The following RNF19A variants were observed in gnomAD, a reference collection of about 807,000 sequenced individuals.
RNF19A encodes ring finger protein 19A, RBR E3 ubiquitin protein ligase.
A neutral mutation model predicts 75.7 loss-of-function variants in RNF19A; 32 were observed. That is an observed-to-expected ratio of 0.42 (90% CI 0.32 to 0.57). The LOEUF (loss-of-function observed/expected upper bound fraction) is 0.57, where lower values mean the gene tolerates loss of function less well. Ranked by LOEUF, RNF19A falls within the 20% of genes least tolerant of loss-of-function variation. RNF19A has a pLI of 0.10. For synonymous variants in RNF19A, 335 were observed against 345.2 expected (o/e 0.97, Z 0.33); for missense variants, 782 against 1,036.3 (o/e 0.75, Z 3.37).
At position 100,287,413 on chromosome 8, in the gene RNF19A, G is replaced by A; in HGVS notation, c.674+88C>T. 8.1e-7 allele frequency: 1 copy of A among 1,236,966 alleles called. No homozygotes were observed. Among genetic ancestry groups the A allele is most frequent in the Non-Finnish European group, 1.1e-6 (1 of 889,962 alleles). 76.6% of individuals were successfully genotyped at this position (1,236,966 alleles called of 1,614,324 possible). A position where few individuals can be genotyped will look rare whatever the true frequency, so the allele number is the denominator to read the frequency against. On this transcript the variant is annotated intron_variant, in intron 2 of 9. Transcript: ENST00000341084. This position sits in a 1 kb window ranked among gnomAD's most constrained non-coding sequence, Gnocchi z 4.1. The stretch of plus-strand genomic sequence containing the variant: ...GTCTGTTGAATGAATTCTCCAGCAT[G>A]TAAAAATTTTTCTTTTGAGTAATAG...
intron 2 of RNF19A, among the ~76,000 whole-genome samples, chr8:100,286,361 A>G (rs1410487425): frequency 6.6e-6 from 1 of 152,226 alleles, no homozygotes. Context: ...TCCCTGCAGT[A>G]TAGGACAGCA....
chr8:100,281,070 T>C (rs1820761288), intron 2 of RNF19A, among the ~76,000 whole-genome samples: 1 of 152,174 alleles, frequency 6.6e-6, no homozygotes, highest in South Asian at 2.1e-4. Context: ...AGTTTAGTGG[T>C]TAGCTCCATT....
upstream of RNF19A, chr8:100,310,281 C>T: frequency 7.2e-6 from 7 of 976,002 alleles, no homozygotes; most frequent in Non-Finnish European, 8.5e-6. Flanking sequence ...TCCGCGCCCG[C>T]GCAGGAGCCG....
In RNF19A at chr8:100,258,474, C is replaced by A. The variant is rs1819550904; in HGVS notation, c.*82G>T. 8.5e-7 allele frequency: 1 copy of A among 1,180,316 alleles called. No individual in the cohort carries two copies. The highest frequency in any genetic ancestry group is 2.3e-5 in the Admixed American group (1 of 42,954). 73.1% of individuals were successfully genotyped at this position (1,180,316 alleles called of 1,614,324 possible). On this transcript the variant is annotated 3_prime_UTR_variant, in exon 10 of 10. Coordinates refer to ENST00000341084, the MANE Select transcript of RNF19A (RefSeq NM_183419.4). The surrounding 1 kb of genome is among the most constrained non-coding windows in gnomAD (Gnocchi z 4.3). ...ATGAAACCCGGCTTTTGCTGGTAAC[C>A]TGAAACTTAAGTAGTCACATGTAGT... is the stretch of plus-strand genomic sequence containing the variant.
chr8:100,273,024 C>A (rs1820333103), intron 3 of RNF19A, among the ~76,000 whole-genome samples: 1 of 152,048 alleles, frequency 6.6e-6, no homozygotes, highest in Non-Finnish European at 1.5e-5. Flanking sequence ...CATCACCACG[C>A]CCGGCTAATT....
In RNF19A at chr8:100,309,947, G is replaced by A. The variant is rs1822235723; in HGVS notation, c.-174C>T. On this transcript the variant is annotated 5_prime_UTR_variant, in exon 1 of 10. Coordinates refer to ENST00000341084, the MANE Select transcript of RNF19A (RefSeq NM_183419.4). ...CCAGCAGCGGCGACAGCAGCCTGAG[G>A]AAGCGCGGGGGAGGGTCCCTCCGAT... 2 of 985,802 alleles carry A rather than the reference G, an allele frequency of 2.0e-6. No homozygotes were observed. The highest frequency in any genetic ancestry group is 6.1e-5 in the Admixed American group (1 of 16,280). 61.1% of individuals were successfully genotyped at this position (985,802 alleles called of 1,614,324 possible). A position where few individuals can be genotyped will look rare whatever the true frequency, so the allele number is the denominator to read the frequency against.
At chr8:100,316,556 G>A (rs888800007) in intron 1 of RNF19A, among the ~76,000 whole-genome samples, 3 of 152,096 alleles carry the variant, frequency 2.0e-5, no homozygotes, top group Non-Finnish European at 2.9e-5. Context: ...GGTTCTCCAA[G>A]GCCCCACCAG....
At chr8:100,310,266 T>G (rs1353796586), upstream of RNF19A, 1 of 983,214 alleles carries the variant, frequency 1.0e-6, no homozygotes, top group East Asian at 1.1e-4. Flanking sequence ...CTTGCGCACG[T>G]TCGTTCCGCG....
chr8:100,292,787 T>A (rs1660330), intron 1 of RNF19A, among the ~76,000 whole-genome samples: 49,089 of 152,060 alleles, frequency 0.32, 8,609 homozygotes, highest in East Asian at 0.41. Flanking sequence ...TAATTTCTTA[T>A]TTTTGAGACA....
In RNF19A at chr8:100,332,392, G is replaced by A. The variant is rs899085010; in HGVS notation, c.-243+3716C>T. Among the ~76,000 whole-genome samples, 22 of 152,160 alleles carry A rather than the reference G, an allele frequency of 1.4e-4. No homozygotes were observed. The highest frequency in any genetic ancestry group is 3.4e-4 in the African/African-American group (14 of 41,422). ...TGTTTGCACTTCTTTCTCTCCTGCCGCCTTGTGAAGAAGGTGCCTGCTTCT... is the reference window on the plus strand; with the variant it reads ...TGTTTGCACTTCTTTCTCTCCTGCCACCTTGTGAAGAAGGTGCCTGCTTCT... On this transcript the variant is annotated intron_variant, in intron 1 of 3. Coordinates refer to the RNF19A transcript ENST00000519527. The surrounding 1 kb of genome is among the most constrained non-coding windows in gnomAD (Gnocchi z 4.8).
chr8:100,274,789 G>A (rs1820423232), intron 3 of RNF19A, among the ~76,000 whole-genome samples, 164 bp downstream of exon 3: 1 of 152,072 alleles, frequency 6.6e-6, no homozygotes, highest in South Asian at 2.1e-4. Context: ...TCTAATTTCA[G>A]AACCACTTTC....
intron 3 of RNF19A, 32 bp downstream of exon 3, chr8:100,274,921 A>G (rs113871780): frequency 2.0e-6 from 3 of 1,537,108 alleles, no homozygotes; most frequent in Middle Eastern, 1.9e-4. Context: ...TTTGTGTCAA[A>G]TATTTTATTA....
At chr8:100,302,767 G>A (rs1821893244) in intron 1 of RNF19A, among the ~76,000 whole-genome samples, 1 of 152,146 alleles carries the variant, frequency 6.6e-6, no homozygotes, top group Non-Finnish European at 1.5e-5. Flanking sequence ...ACACTTTAAA[G>A]AAGACAAAAC....
chr8:100,315,628 GA>G (rs1333078901), intron 1 of RNF19A, among the ~76,000 whole-genome samples: 1 of 152,134 alleles, frequency 6.6e-6, no homozygotes, highest in African/African-American at 2.4e-5. Flanking sequence ...CAGGGTCATG[GA>G]AATTTTTCTT....
Position 100,258,986 on chromosome 8 carries a change from T to C in RNF19A, c.2087A>G (p.Gln696Arg), listed in dbSNP as rs368674512. ...GTTCGTGCTTTGTTGTTCTAACAAC[T>C]GTGCATCCATGTCCTCTCTCGTCTC... ...INETREDMDAQLLEQQSTNSS... is the reference protein window; with the variant it reads ...INETREDMDARLLEQQSTNSS... Residue 696 changes from glutamine to arginine, a missense_variant, in exon 10 of 10, where the codon CAG becomes CGG. Physicochemically the swap from Gln to Arg is conservative, Grantham distance 43. This residue lies in a region of RNF19A where 442 missense variants were observed against 541.6 expected (regional missense o/e 0.82). Coordinates refer to ENST00000341084, the MANE Select transcript of RNF19A (RefSeq NM_183419.4). The surrounding 1 kb of genome is among the most constrained non-coding windows in gnomAD (Gnocchi z 4.3). The C allele has an allele frequency of 6.5e-5, 105 of 1,614,128 alleles. 1 individual carries two copies. Among genetic ancestry groups the C allele is most frequent in the Non-Finnish European group, 8.2e-5 (97 of 1,180,048 alleles).
upstream of RNF19A, among the ~76,000 whole-genome samples, chr8:100,313,017 C>T (rs1822323944): frequency 6.6e-6 from 1 of 152,210 alleles, no homozygotes; most frequent in Non-Finnish European, 1.5e-5. Flanking sequence ...ACTGCCAGGG[C>T]CTCATCATTT....
intron 1 of RNF19A, chr8:100,300,670 A>T (rs1013869177): frequency 3.7e-4 from 56 of 152,208 alleles, no homozygotes; most frequent in African/African-American, 1.3e-3. Context: ...AATGAAATAG[A>T]AAAAAATTAA....
At chr8:100,309,393 G>C in intron 1 of RNF19A, 1 of 985,858 alleles carries the variant, frequency 1.0e-6, no homozygotes. Context: ...CCCGGAAATC[G>C]GTCCCGTTAG....
rs997173185 is a variant in RNF19A at position 100,331,662 on chromosome 8, G to A, written c.-243+4446C>T. ...AAAACAAAACAAAAACCAGATATAC[G>A]GCGCAAAATTTGAAAGGAATAAAAG... On this transcript the variant is annotated intron_variant, in intron 1 of 3. Transcript: ENST00000519527. This position sits in a 1 kb window ranked among gnomAD's most constrained non-coding sequence, Gnocchi z 5.2. Among the ~76,000 whole-genome samples the A allele has an allele frequency of 5.3e-5, 8 of 151,942 alleles. No homozygotes were observed. Among genetic ancestry groups the A allele is most frequent in the South Asian group, 2.1e-4 (1 of 4,800 alleles).
Sources: allele counts gnomAD v4.1 joint callset (sites outside exome capture counted in the v4.1 genomes callset), GRCh38; gene constraint gnomAD v4.1.1; regional missense constraint gnomAD v4.1.1; non-coding constraint Gnocchi (gnomAD v3.1); transcripts MANE v1.5; gene names NCBI Gene and HGNC (gene_info 2026-07-23, HGNC 2026-07-21).